Variants in ITPR2 observed in about 807,000 individuals in gnomAD.
ITPR2 encodes inositol 1,4,5-trisphosphate-gated calcium channel ITPR2.
A neutral mutation model predicts 317.1 loss-of-function variants in ITPR2; 207 were observed. The ratio of observed to expected loss-of-function variants is 0.65; its 90% CI spans 0.58 to 0.73. The LOEUF is 0.73. Among genes scored for constraint, ITPR2 ranks in the 30% least tolerant of loss-of-function variants. ITPR2 has a pLI of 0.00. For synonymous variants in ITPR2, 1,156 were observed against 1,149.1 expected (o/e 1.01, Z -0.12); for missense variants, 2,613 against 3,284.0 (o/e 0.80, Z 4.99).
At chr12:26,667,691 A>G (rs1004423402) in intron 13 of ITPR2, among the ~76,000 whole-genome samples, 1 of 152,246 alleles carries the variant, frequency 6.6e-6, no homozygotes, top group Non-Finnish European at 1.5e-5. Flanking sequence ...CTATATGCCC[A>G]ATGCAAGTCC....
intron 2 of ITPR2, among the ~76,000 whole-genome samples, chr12:26,761,763 C>T (rs188754698): frequency 6.6e-5 from 10 of 152,344 alleles, no homozygotes; most frequent in Admixed American, 2.6e-4. Flanking sequence ...TGCCAACACA[C>T]TTCAGCCTGG....
At chr12:26,683,701 C>G (rs1354506948) in intron 11 of ITPR2, among the ~76,000 whole-genome samples, 1 of 152,208 alleles carries the variant, frequency 6.6e-6, no homozygotes, top group East Asian at 1.9e-4. Flanking sequence ...TCAGTATTTG[C>G]TAATTCCATG....
chr12:26,715,130 T>C (rs1948714058), intron 8 of ITPR2, among the ~76,000 whole-genome samples, 169 bp downstream of exon 8: 1 of 151,628 alleles, frequency 6.6e-6, no homozygotes, highest in Non-Finnish European at 1.5e-5. Flanking sequence ...TAGGAAACAG[T>C]TTCCTTTCAA....
intron 35 of ITPR2, among the ~76,000 whole-genome samples, chr12:26,558,416 T>C (rs958034020): frequency 3.3e-5 from 5 of 152,236 alleles, no homozygotes; most frequent in African/African-American, 9.6e-5. Context: ...GGTAAGTGCA[T>C]AGAACATCCT....
chr12:26,575,497 C>T (rs1945254482), intron 34 of ITPR2, among the ~76,000 whole-genome samples: 1 of 151,854 alleles, frequency 6.6e-6, no homozygotes. Context: ...AAGGGACCAA[C>T]AAGGAAAACG....
chr12:26,424,571 T>G (rs1157083243), intron 49 of ITPR2, among the ~76,000 whole-genome samples: 6 of 149,572 alleles, frequency 4.0e-5, no homozygotes, highest in African/African-American at 1.2e-4. Context: ...TTTTTGGTTT[T>G]TGTTTTCGTT....
chr12:26,670,294 A>C (rs1407544588), intron 13 of ITPR2, among the ~76,000 whole-genome samples: 2 of 151,938 alleles, frequency 1.3e-5, no homozygotes, highest in Non-Finnish European at 2.9e-5. Flanking sequence ...ACTGGGAGGC[A>C]CCCCCCAGTA....
At chr12:26,819,909 A>G (rs1393824887) in intron 1 of ITPR2, among the ~76,000 whole-genome samples, 1 of 152,114 alleles carries the variant, frequency 6.6e-6, no homozygotes, top group Non-Finnish European at 1.5e-5. Context: ...TCTACTAAAA[A>G]TACCCAAAAA....
chr12:26,479,125 C>A (rs1365040252), intron 43 of ITPR2, among the ~76,000 whole-genome samples: 6 of 139,884 alleles, frequency 4.3e-5, no homozygotes, highest in African/African-American at 1.6e-4. Flanking sequence ...TAGAAAACTA[C>A]ACACACCTCA....
At chr12:26,494,414 A>C in intron 38 of ITPR2, 74 bp from the exon 39 acceptor site, 3 of 911,016 alleles carry the variant, frequency 3.3e-6, no homozygotes, top group Non-Finnish European at 4.7e-6. Flanking sequence ...CAAATTCTTA[A>C]ATTTTATTAT....
At chr12:26,502,572 G>A (rs1943093568) in intron 37 of ITPR2, among the ~76,000 whole-genome samples, 2 of 152,148 alleles carry the variant, frequency 1.3e-5, no homozygotes, top group Non-Finnish European at 2.9e-5. Flanking sequence ...TGCTGTCAGT[G>A]CAGGCGTGTG....
intron 2 of ITPR2, among the ~76,000 whole-genome samples, chr12:26,728,043 G>A (rs180818451): frequency 2.6e-5 from 4 of 152,184 alleles, no homozygotes; most frequent in Admixed American, 1.3e-4. Context: ...ATGGTAGGCT[G>A]AGGTCAAGAT....
chr12:26,590,080 G>A (rs933896641), intron 32 of ITPR2, among the ~76,000 whole-genome samples: 6 of 151,690 alleles, frequency 4.0e-5, no homozygotes, highest in Admixed American at 3.3e-4. Context: ...GAAAATGATG[G>A]GAGATATGAA....
intron 9 of ITPR2, among the ~76,000 whole-genome samples, chr12:26,705,609 A>T (rs532363826): frequency 6.6e-6 from 1 of 152,346 alleles, no homozygotes; most frequent in South Asian, 2.1e-4. Flanking sequence ...GGACAATTTC[A>T]TCCAGACATT....
chr12:26,666,406 A>T (rs185202226), intron 13 of ITPR2, among the ~76,000 whole-genome samples: 1 of 152,314 alleles, frequency 6.6e-6, no homozygotes, highest in East Asian at 1.9e-4. Flanking sequence ...ACTATTATCA[A>T]ATAAAGCCAT....
At chr12:26,819,896 A>G (rs1453344036) in intron 1 of ITPR2, among the ~76,000 whole-genome samples, 2 of 151,892 alleles carry the variant, frequency 1.3e-5, no homozygotes, top group Non-Finnish European at 1.5e-5. Flanking sequence ...GCAAAACCCC[A>G]TCTCTACTAA....
chr12:26,588,035 G>A (rs924925926), intron 32 of ITPR2, among the ~76,000 whole-genome samples: 5 of 152,208 alleles, frequency 3.3e-5, no homozygotes, highest in Non-Finnish European at 2.9e-5. Context: ...TGAATGCCTA[G>A]AGTGAGTAAT....
rs976250645 is a variant in ITPR2 at position 26,391,816 on chromosome 12, C to T, written c.7697-4222G>A. Among the ~76,000 whole-genome samples the T allele has an allele frequency of 3.3e-5, 5 of 152,080 alleles. No individual in the cohort carries two copies. The South Asian group carries it at 6.2e-4, about 19-fold the overall frequency. On this transcript the variant is annotated intron_variant, in intron 54 of 56. Coordinates refer to ENST00000381340, the MANE Select transcript of ITPR2 (RefSeq NM_002223.4). ...CTGACTTCAGCTTATATGCTCGCCTCGGCCTCCCAAAGTTGCTGAGATTAC... is the reference window on the plus strand; with the variant it reads ...CTGACTTCAGCTTATATGCTCGCCTTGGCCTCCCAAAGTTGCTGAGATTAC...
chr12:26,400,031 A>G (rs1215898143), intron 53 of ITPR2, 97 bp downstream of exon 53: 4 of 1,289,538 alleles, frequency 3.1e-6, no homozygotes, highest in South Asian at 1.7e-5. Context: ...ATGGTACAAT[A>G]TATTTTCCTG....
Sources: allele counts gnomAD v4.1 joint callset (sites outside exome capture counted in the v4.1 genomes callset), GRCh38; gene constraint gnomAD v4.1.1; transcripts MANE v1.5; gene names NCBI Gene and HGNC (gene_info 2026-07-23, HGNC 2026-07-21).